Variants in DIP2C observed in about 807,000 individuals in gnomAD.
DIP2C encodes DIP2 acetate--CoA ligase C (putative), also known as disco-interacting protein 2 homolog C.
DIP2C carries 33 observed loss-of-function variants against 192.4 expected under a neutral mutation model. That is an observed-to-expected ratio of 0.17 (90% CI 0.13 to 0.23). The LOEUF (loss-of-function observed/expected upper bound fraction) is 0.23, where lower values mean the gene tolerates loss of function less well. DIP2C is among the 10% of genes least tolerant of loss of function. The pLI, the probability that DIP2C is intolerant of heterozygous loss-of-function variation, is 1.00. For missense variants in DIP2C, 1,537 were observed against 2,110.1 expected (o/e 0.73, Z 5.32); for synonymous variants, 979 against 864.1 (o/e 1.13, Z -2.33).
rs749798802 is a variant in DIP2C at position 507,352 on chromosome 10, G to A, written c.86-20822C>T. Among the ~76,000 whole-genome samples the A allele has an allele frequency of 8.0e-5, 12 of 150,446 alleles. 1 individual carries two copies. The highest frequency in any genetic ancestry group is 1.2e-4 in the African/African-American group (5 of 40,694). ...TTCAAGGTTAGGGACCTGGTCACCCGCTGTGTCCAACCAGAGCTGTGCGAG... is the reference window on the plus strand; with the variant it reads ...TTCAAGGTTAGGGACCTGGTCACCCACTGTGTCCAACCAGAGCTGTGCGAG... On this transcript the variant is annotated intron_variant, in intron 1 of 36. Transcript: ENST00000280886.
intron 23 of DIP2C, among the ~76,000 whole-genome samples, 177 bp from the exon 24 acceptor site, chr10:356,683 C>T (rs776941764): frequency 9.8e-5 from 15 of 152,348 alleles, no homozygotes; most frequent in Admixed American, 3.9e-4. Flanking sequence ...CCGTCACACA[C>T]GACCACAGGA....
intron 1 of DIP2C, among the ~76,000 whole-genome samples, chr10:614,061 C>T (rs1490440248): frequency 6.6e-6 from 1 of 152,228 alleles, no homozygotes; most frequent in Non-Finnish European, 1.5e-5. Flanking sequence ...CAACAGCCAA[C>T]GCTCCCAGAA....
chr10:380,959 A>G (rs1428542874), intron 17 of DIP2C, among the ~76,000 whole-genome samples: 4 of 152,230 alleles, frequency 2.6e-5, no homozygotes, highest in African/African-American at 9.6e-5. Flanking sequence ...ACCCCCGCAC[A>G]GAGGGAAGTT....
At chr10:484,802 G>A in intron 2 of DIP2C, 1 of 1,611,258 alleles carries the variant, frequency 6.2e-7, no homozygotes, top group Non-Finnish European at 8.5e-7. Flanking sequence ...TAAAACAGAG[G>A]CCGGTTCCCT....
chr10:356,634 CT>C (rs1439362632), intron 23 of DIP2C, 128 bp from the exon 24 acceptor site: 3 of 684,310 alleles, frequency 4.4e-6, no homozygotes, highest in Non-Finnish European at 4.9e-6. Context: ...CCGCATGCTT[CT>C]CTGCAGGGAG....
chr10:627,299 C>G (rs1311079940), intron 1 of DIP2C, among the ~76,000 whole-genome samples: 1 of 152,236 alleles, frequency 6.6e-6, no homozygotes, highest in Non-Finnish European at 1.5e-5. Context: ...GGGAAACCCT[C>G]CCGACACCTC....
At position 344,804 on chromosome 10, in the gene DIP2C, C is replaced by A. The variant is rs773075966; in HGVS notation, c.3453+5G>T. 5 of 1,578,752 alleles carry A rather than the reference C, an allele frequency of 3.2e-6. No homozygotes were observed. The highest frequency in any genetic ancestry group is 4.3e-6 in the Non-Finnish European group (5 of 1,162,874). On this transcript the variant is annotated splice_donor_5th_base_variant and intron_variant, in intron 28 of 36. Transcript: ENST00000280886. ...ATGGCCACCGCCCGCAGCCACCCCC[C>A]TCACCTTTACGCCAGCTAGCATCCC...
At chr10:534,366 G>A (rs918920613) in intron 1 of DIP2C, among the ~76,000 whole-genome samples, 1 of 152,218 alleles carries the variant, frequency 6.6e-6, no homozygotes, top group African/African-American at 2.4e-5. Context: ...GCGGCAGGAG[G>A]GAAGCAGCCT....
intron 1 of DIP2C, among the ~76,000 whole-genome samples, chr10:681,599 T>C (rs1320289604): frequency 6.6e-6 from 1 of 151,130 alleles, no homozygotes; most frequent in East Asian, 2.0e-4. Flanking sequence ...AGACCCTTAG[T>C]CACATGGTAC....
chr10:557,913 C>T (rs992012355), intron 1 of DIP2C, among the ~76,000 whole-genome samples: 3 of 18,772 alleles, frequency 1.6e-4, no homozygotes, highest in African/African-American at 5.0e-4. Flanking sequence ...GGGAAGGGGG[C>T]GGGGAAGGGG....
chr10:452,519 C>CA (rs1251411098), intron 3 of DIP2C, among the ~76,000 whole-genome samples: 1 of 152,294 alleles, frequency 6.6e-6, no homozygotes, highest in Admixed American at 6.5e-5. Flanking sequence ...TTAATAATCC[C>CA]AGTCCAACTC....
At position 415,753 on chromosome 10, in the gene DIP2C, TAA is replaced by T. The variant is rs780621426; in HGVS notation, c.859+14_859+15del. On this transcript the variant is annotated intron_variant, in intron 7 of 36. Transcript: ENST00000280886. ...AGGAGCATCTGGAAGAAACGTGTGG[TAA>T]AGAGTTCTCTCACCTTCTAATAATT... 1.2e-6 allele frequency: 2 copies of T among 1,613,698 alleles called. No homozygotes were observed. Among genetic ancestry groups the T allele is most frequent in the Non-Finnish European group, 1.7e-6 (2 of 1,179,784 alleles).
At chr10:449,911 C>T (rs1279560419) in intron 3 of DIP2C, among the ~76,000 whole-genome samples, 5 of 37,938 alleles carry the variant, frequency 1.3e-4, no homozygotes, top group Non-Finnish European at 3.4e-4. Context: ...ATGTTTCAGT[C>T]AACAACAACA....
chr10:533,237 G>C (rs1463175244), intron 1 of DIP2C, among the ~76,000 whole-genome samples: 1 of 152,080 alleles, frequency 6.6e-6, no homozygotes, highest in African/African-American at 2.4e-5. Context: ...AAGAAGGGTG[G>C]AAAACACATT....
In DIP2C at chr10:574,306, C is replaced by A. The variant is rs572541975; in HGVS notation, c.86-87776G>T. On this transcript the variant is annotated intron_variant, in intron 1 of 36. Transcript: ENST00000280886. Reference sequence around the variant, plus strand: ...CAAAATAAAACCCACTGTTATCTTTCCGCAATTAAATAACCAAGGATAGGA... The same window carrying A: ...CAAAATAAAACCCACTGTTATCTTTACGCAATTAAATAACCAAGGATAGGA... Among the ~76,000 whole-genome samples the A allele has an allele frequency of 1.3e-4, 20 of 152,296 alleles. No individual in the cohort carries two copies. The East Asian group carries it at 3.3e-3, about 25-fold the overall frequency.
chr10:406,051 C>G (rs982372920), intron 9 of DIP2C, among the ~76,000 whole-genome samples: 1 of 152,186 alleles, frequency 6.6e-6, no homozygotes, highest in African/African-American at 2.4e-5. Flanking sequence ...TTCATCAAAC[C>G]GTGCTCCCGT....
chr10:396,837 G>A (rs907013589), intron 10 of DIP2C, among the ~76,000 whole-genome samples: 32 of 55,804 alleles, frequency 5.7e-4, no homozygotes, highest in African/African-American at 1.3e-3. Context: ...GGGGGGGGGG[G>A]AAACTGGCTG....
intron 1 of DIP2C, among the ~76,000 whole-genome samples, chr10:519,680 C>A (rs1188490612): frequency 2.0e-5 from 3 of 152,266 alleles, no homozygotes; most frequent in African/African-American, 7.2e-5. Flanking sequence ...ATCAACCGCA[C>A]AGAAACCTGA....
intron 1 of DIP2C, among the ~76,000 whole-genome samples, chr10:687,637 C>T (rs750975973): frequency 5.3e-5 from 8 of 152,226 alleles, no homozygotes; most frequent in Non-Finnish European, 1.0e-4. Context: ...GCAAGGTGTT[C>T]ACAGGGAATT....
Sources: allele counts gnomAD v4.1 joint callset (sites outside exome capture counted in the v4.1 genomes callset), GRCh38; gene constraint gnomAD v4.1.1; transcripts MANE v1.5; gene names NCBI Gene and HGNC (gene_info 2026-07-23, HGNC 2026-07-21).